The following EDC3 variants were observed in gnomAD, a reference collection of about 807,000 sequenced individuals.
The protein encoded by EDC3 is enhancer of mRNA decapping 3.
Under a neutral mutation model 41.8 loss-of-function variants are expected in EDC3, and 20 were observed. That is an observed-to-expected ratio of 0.48 (90% CI 0.34 to 0.70). The LOEUF is 0.70. Among genes scored for constraint, EDC3 ranks in the 30% least tolerant of loss-of-function variants. The pLI is 0.01. For missense variants in EDC3, 444 were observed against 636.8 expected (o/e 0.70, Z 3.26); for synonymous variants, 206 against 243.2 (o/e 0.85, Z 1.42).
chr15:74,641,245 G>A (rs543997744), intron 4 of EDC3: 1 of 152,838 alleles, frequency 6.5e-6, no homozygotes, highest in African/African-American at 2.4e-5. Context: ...CTCCCCATCT[G>A]AGTTGGGTGT....
chr15:74,649,926 T>C (rs1596308883), intron 4 of EDC3, among the ~76,000 whole-genome samples: 3 of 152,262 alleles, frequency 2.0e-5, no homozygotes, highest in African/African-American at 4.8e-5. Flanking sequence ...TCATGATAAC[T>C]TGACTTGCTG....
At chr15:74,642,068 C>G (rs2062359144) in intron 4 of EDC3, 1 of 152,208 alleles carries the variant, frequency 6.6e-6, no homozygotes, top group African/African-American at 2.4e-5. Context: ...GTCCTACCTG[C>G]ATATTCCTAA....
At chr15:74,636,675 T>C (rs77763354) in intron 5 of EDC3, 1 of 152,198 alleles carries the variant, frequency 6.6e-6, no homozygotes, top group Non-Finnish European at 1.5e-5. Flanking sequence ...GATGACAAGA[T>C]GTTGTCAAGC....
intron 1 of EDC3, among the ~76,000 whole-genome samples, chr15:74,680,882 G>A (rs190741886): frequency 8.2e-4 from 124 of 151,990 alleles, no homozygotes; most frequent in African/African-American, 2.9e-3. Context: ...ATTTACAATT[G>A]CTCAAAAAAT....
chr15:74,695,709 TG>T, intron 1 of EDC3, 170 bp downstream of exon 1: 1 of 153,576 alleles, frequency 6.5e-6, no homozygotes, highest in Non-Finnish European at 1.4e-5. Context: ...ACCAAACTCC[TG>T]GGGCCGCCCG....
intron 5 of EDC3, 188 bp downstream of exon 5, chr15:74,640,278 G>GGA: frequency 1.6e-6 from 1 of 617,438 alleles, no homozygotes; most frequent in Non-Finnish European, 2.8e-6. Context: ...AGGACATCTA[G>GGA]GAGATGGGTC....
At position 74,635,437 on chromosome 15, in the gene EDC3, G is replaced by C. The variant is rs2062260820; in HGVS notation, c.1164C>G (p.Thr388=). The C allele has an allele frequency of 6.2e-7, 1 of 1,614,130 alleles. No individual in the cohort carries two copies. Among genetic ancestry groups the C allele is most frequent in the South Asian group, 1.1e-5 (1 of 91,086 alleles). ...TGAGGCTAGACACTTGTTGGCCTTG[G>C]GTCTTGCTGAAGAGCGACAGCTCAT... ...ITNELSLFSK[T]QGQQVSSLKD... The change falls in exon 6 of 7, where the codon ACC becomes ACG. Residue 388 remains threonine, a synonymous_variant. Coordinates refer to ENST00000315127, the MANE Select transcript of EDC3 (RefSeq NM_025083.5).
chr15:74,656,320 G>A (rs915691935), intron 3 of EDC3, among the ~76,000 whole-genome samples: 10 of 151,900 alleles, frequency 6.6e-5, no homozygotes, highest in East Asian at 1.9e-4. Context: ...CAGGAGGATC[G>A]CTTGTGCCTA....
intron 4 of EDC3, among the ~76,000 whole-genome samples, chr15:74,653,008 C>T (rs1297028194): frequency 6.6e-6 from 1 of 152,012 alleles, no homozygotes; most frequent in Non-Finnish European, 1.5e-5. Flanking sequence ...GGTGAAACCT[C>T]GTCTCTACTA....
intron 4 of EDC3, chr15:74,641,551 A>C (rs1250165095): frequency 6.5e-6 from 1 of 153,026 alleles, no homozygotes; most frequent in Non-Finnish European, 1.5e-5. Context: ...GCTCCCTCCA[A>C]GAAGCCAATG....
chr15:74,660,003 C>T (rs1346895855), intron 3 of EDC3, among the ~76,000 whole-genome samples: 1 of 151,176 alleles, frequency 6.6e-6, no homozygotes, highest in East Asian at 2.0e-4. Flanking sequence ...CGAGATCACG[C>T]CACTGCACTC....
chr15:74,665,540 A>ATT, intron 3 of EDC3, among the ~76,000 whole-genome samples: 1 of 152,268 alleles, frequency 6.6e-6, no homozygotes, highest in African/African-American at 2.4e-5. Context: ...ACCCTAAACA[A>ATT]GGCTTGGTTT....
intron 1 of EDC3, among the ~76,000 whole-genome samples, chr15:74,688,906 CAAA>C (rs371363056): frequency 1.9e-4 from 14 of 72,116 alleles, no homozygotes; most frequent in Admixed American, 8.4e-4. Flanking sequence ...GATGCTGTCT[CAAA>C]AAAAAAAAAA....
intron 4 of EDC3, among the ~76,000 whole-genome samples, chr15:74,645,568 G>C (rs1174219929): frequency 4.3e-5 from 6 of 140,476 alleles, no homozygotes; most frequent in Non-Finnish European, 9.0e-5. Context: ...AAAAGTTGGG[G>C]GGGGGGGGGT....
In EDC3 at chr15:74,675,126, T is replaced by C; in HGVS notation, c.-2A>G. 1.2e-6 allele frequency: 2 copies of C among 1,612,864 alleles called. No individual in the cohort carries two copies. The highest frequency in any genetic ancestry group is 2.2e-5 in the South Asian group (2 of 91,090). ...ACTTCCCAGCCAATCTGTAGCCATG[T>C]TTCACACGTGAGACCACTGTGAAGA... On this transcript the variant is annotated 5_prime_UTR_variant, in exon 2 of 7. Transcript: ENST00000315127.
chr15:74,671,518 A>G lies in EDC3; in HGVS notation c.421T>C (p.Tyr141His), dbSNP rs772261057. The G allele has an allele frequency of 6.2e-7, 1 of 1,614,098 alleles. No homozygotes were observed. The highest frequency in any genetic ancestry group is 1.3e-5 in the African/African-American group (1 of 74,942). Residue 141 changes from tyrosine (Y) to histidine (H), a missense_variant, in exon 3 of 7, where the codon TAT becomes CAT. Physicochemically the swap from Tyr to His is moderately conservative, Grantham distance 83 (BLOSUM62 2). This residue lies in a region of EDC3 where 200 missense variants were observed against 244.0 expected (regional missense o/e 0.82). Transcript: ENST00000315127. The surrounding 1 kb of genome is among the most constrained non-coding windows in gnomAD (Gnocchi z 4.6). ...SPQQQQCSKS[Y>H]VDRHMESLSQ... Reference sequence around the variant, plus strand: ...AAGGATTCCATGTGCCTGTCGACATAGCTCTTTGAGCACTGTTGCTGCTGC... The same window carrying G: ...AAGGATTCCATGTGCCTGTCGACATGGCTCTTTGAGCACTGTTGCTGCTGC...
rs1432352889 is a variant in EDC3 at position 74,695,950 on chromosome 15, CAGA to C, written c.-92_-90del. 1 of 152,692 alleles carries C rather than the reference CAGA, an allele frequency of 6.5e-6. No homozygotes were observed. Among genetic ancestry groups the C allele is most frequent in the Non-Finnish European group, 1.5e-5 (1 of 68,338 alleles). The allele number at this position is 152,692 out of a possible 1,614,324, so 9.5% of individuals were successfully genotyped here. ...CGACCACTCAACACCAGAGGACCCA[CAGA>C]AGAATTCTCTCCACGCCCACCCCCA... On this transcript the variant is annotated 5_prime_UTR_variant, in exon 1 of 7. Transcript: ENST00000315127.
At chr15:74,682,471 A>G (rs1407767294) in intron 1 of EDC3, among the ~76,000 whole-genome samples, 3 of 151,880 alleles carry the variant, frequency 2.0e-5, no homozygotes, top group Non-Finnish European at 4.4e-5. Context: ...ACAAAAAATT[A>G]GCCGGGCATG....
intron 1 of EDC3, among the ~76,000 whole-genome samples, chr15:74,679,508 T>C (rs1216574665): frequency 2.0e-5 from 3 of 152,004 alleles, no homozygotes; most frequent in Admixed American, 2.0e-4. Context: ...CATCAGTAAA[T>C]ACAGAAATAT....
Sources: allele counts gnomAD v4.1 joint callset (sites outside exome capture counted in the v4.1 genomes callset), GRCh38; gene constraint gnomAD v4.1.1; regional missense constraint gnomAD v4.1.1; non-coding constraint Gnocchi (gnomAD v3.1); transcripts MANE v1.5; gene names NCBI Gene and HGNC (gene_info 2026-07-23, HGNC 2026-07-21).